The following RYR2 variants were observed in gnomAD, a reference collection of about 807,000 sequenced individuals.
RYR2 encodes ryanodine receptor 2.
In RYR2, 227 loss-of-function variants were observed where a neutral mutation model predicts 601.1. The observed-to-expected ratio is 0.38, with a 90% CI of 0.34 to 0.42. The LOEUF (loss-of-function observed/expected upper bound fraction) is 0.42. Among genes scored for constraint, RYR2 ranks in the 10% least tolerant of loss-of-function variants. RYR2 has a pLI of 1.00. For missense variants in RYR2, 4,646 were observed against 6,156.5 expected (o/e 0.75, Z 8.21); for synonymous variants, 2,223 against 2,175.1 (o/e 1.02, Z -0.61).
At chr1:237,457,386 C>G (rs1038564548) in intron 16 of RYR2, among the ~76,000 whole-genome samples, 10 of 152,042 alleles carry the variant, frequency 6.6e-5, no homozygotes, top group Admixed American at 5.9e-4. Context: ...TATTTTTGAC[C>G]TCCTGTAGCT....
At chr1:237,406,220 C>T (rs1471054293) in intron 10 of RYR2, among the ~76,000 whole-genome samples, 3 of 115,662 alleles carry the variant, frequency 2.6e-5, no homozygotes, top group Non-Finnish European at 3.6e-5. Flanking sequence ...TTCCCCTCCC[C>T]TCCCCTCCCC....
intron 3 of RYR2, among the ~76,000 whole-genome samples, chr1:237,350,458 C>T (rs1452943027): frequency 6.7e-6 from 1 of 149,516 alleles, no homozygotes; most frequent in Non-Finnish European, 1.5e-5. Context: ...GCAATCCCAG[C>T]TACTCGGGAG....
intron 17 of RYR2, among the ~76,000 whole-genome samples, chr1:237,473,442 T>TTTCTTTCTTTCTTTCTTTCTTC (rs1553464684): frequency 1.8e-5 from 1 of 56,734 alleles, no homozygotes; most frequent in Non-Finnish European, 5.3e-5. Flanking sequence ...TCTTTCTTTC[T>TTTCTTTCTTTCTTTCTTTCTTC]TTCTTTCTTT....
chr1:237,450,651 A>T (rs962994408), intron 14 of RYR2, among the ~76,000 whole-genome samples: 3 of 152,048 alleles, frequency 2.0e-5, no homozygotes, highest in Non-Finnish European at 4.4e-5. Flanking sequence ...TCCAGATGAG[A>T]TTCCTTGTTC....
intron 98 of RYR2, among the ~76,000 whole-genome samples, chr1:237,803,318 T>G (rs1558450119): frequency 6.6e-6 from 1 of 151,930 alleles, no homozygotes; most frequent in Non-Finnish European, 1.5e-5. Flanking sequence ...TTTCTTTTTT[T>G]TTTGAGACAG....
intron 10 of RYR2, among the ~76,000 whole-genome samples, chr1:237,399,556 C>A (rs1703157221): frequency 6.6e-6 from 1 of 152,188 alleles, no homozygotes; most frequent in Non-Finnish European, 1.5e-5. Context: ...TTAATGCTCT[C>A]AGCAAGGCAA....
chr1:237,273,042 A>G (rs942277106), intron 2 of RYR2, among the ~76,000 whole-genome samples: 2 of 152,144 alleles, frequency 1.3e-5, no homozygotes, highest in African/African-American at 2.4e-5. Flanking sequence ...GGATGATTCA[A>G]GCACATTACA....
chr1:237,827,794 A>G (rs975884970), intron 101 of RYR2, among the ~76,000 whole-genome samples: 15 of 150,888 alleles, frequency 9.9e-5, no homozygotes, highest in Admixed American at 2.0e-4. Flanking sequence ...AAAATTAGCC[A>G]GGTGTGGCAG....
rs907011318 is a variant in RYR2 at position 237,180,867 on chromosome 1, A to G, written c.49-89630A>G. 9.4e-5 allele frequency among the ~76,000 whole-genome samples: 14 copies of G among 148,368 alleles called. No homozygotes were observed. The East Asian group carries it at 2.7e-3, about 29-fold the overall frequency. Reference sequence around the variant, plus strand: ...AATAAAGTATATATTTATACTAATTAAATATATTTGATTATATAATTATAA... The same window carrying G: ...AATAAAGTATATATTTATACTAATTGAATATATTTGATTATATAATTATAA... On this transcript the variant is annotated intron_variant, in intron 1 of 104. Coordinates refer to ENST00000366574, the MANE Select transcript of RYR2 (RefSeq NM_001035.3). The surrounding 1 kb of genome is among the most constrained non-coding windows in gnomAD (Gnocchi z 5.3).
intron 70 of RYR2, among the ~76,000 whole-genome samples, chr1:237,710,384 T>A (rs1357618123): frequency 6.6e-6 from 1 of 152,190 alleles, no homozygotes; most frequent in Non-Finnish European, 1.5e-5. Context: ...GTTGTACAAA[T>A]CAAGTTACTT....
rs371740445 is a variant in RYR2 at position 237,191,683 on chromosome 1, T to C, written c.49-78814T>C. ...ACAAATTGTCTCCAGCTCGAAATGA[T>C]GAAAAGAATATTTTAACAACTTTTG... is the stretch of plus-strand genomic sequence containing the variant. On this transcript the variant is annotated intron_variant, in intron 1 of 104. Transcript: ENST00000366574. Among the ~76,000 whole-genome samples, 6 of 152,336 alleles carry C rather than the reference T, an allele frequency of 3.9e-5. No individual in the cohort carries two copies. The East Asian group carries it at 9.6e-4, about 24-fold the overall frequency.
chr1:237,494,602 A>G (rs1272168895), intron 19 of RYR2, among the ~76,000 whole-genome samples: 1 of 152,160 alleles, frequency 6.6e-6, no homozygotes, highest in African/African-American at 2.4e-5. Flanking sequence ...TCAAGTTGAC[A>G]CTCAGTATGA....
chr1:237,487,361 C>T (rs1662796885), intron 17 of RYR2, among the ~76,000 whole-genome samples: 1 of 151,614 alleles, frequency 6.6e-6, no homozygotes, highest in Non-Finnish European at 1.5e-5. Flanking sequence ...CATTTGTTGT[C>T]CTTTAAGAAT....
chr1:237,257,619 G>A (rs1389944854), intron 1 of RYR2, among the ~76,000 whole-genome samples: 2 of 152,172 alleles, frequency 1.3e-5, no homozygotes, highest in Admixed American at 6.5e-5. Context: ...CGGTATGAAC[G>A]AGGTCGGCAG....
At chr1:237,482,966 G>T (rs1360995068) in intron 17 of RYR2, among the ~76,000 whole-genome samples, 1 of 151,968 alleles carries the variant, frequency 6.6e-6, no homozygotes, top group Non-Finnish European at 1.5e-5. Flanking sequence ...CTGCATTTTT[G>T]ACTCAGCTCT....
intron 1 of RYR2, among the ~76,000 whole-genome samples, chr1:237,226,507 C>T (rs980384834): frequency 6.6e-6 from 1 of 152,096 alleles, no homozygotes; most frequent in African/African-American, 2.4e-5. Flanking sequence ...GATCTCAAAC[C>T]AATTTAGAGA....
chr1:237,332,720 A>G (rs778424464), intron 3 of RYR2, among the ~76,000 whole-genome samples: 31 of 152,298 alleles, frequency 2.0e-4, no homozygotes, highest in Non-Finnish European at 4.3e-4. Flanking sequence ...TAATTTTTTT[A>G]TTGTTAAGTT....
At chr1:237,772,234 A>G (rs1331561171) in intron 86 of RYR2, 134 bp downstream of exon 86, 1 of 508,376 alleles carries the variant, frequency 2.0e-6, no homozygotes, top group Non-Finnish European at 3.4e-6. Context: ...ACAATCTCTC[A>G]GCAATTCTTA....
In RYR2 at chr1:237,634,176, C is replaced by T. The variant is rs1487621693; in HGVS notation, c.6688+466C>T. Among the ~76,000 whole-genome samples the T allele has an allele frequency of 2.0e-5, 3 of 152,168 alleles. No homozygotes were observed. The East Asian group carries it at 5.8e-4, about 29-fold the overall frequency. ...ACGTGTACTTCCATGGTCATTGCAG[C>T]ATTATTCACAATAGCTGAGATATGG... On this transcript the variant is annotated intron_variant, in intron 43 of 104. Coordinates refer to ENST00000366574, the MANE Select transcript of RYR2 (RefSeq NM_001035.3).
Sources: allele counts gnomAD v4.1 joint callset (sites outside exome capture counted in the v4.1 genomes callset), GRCh38; gene constraint gnomAD v4.1.1; non-coding constraint Gnocchi (gnomAD v3.1); transcripts MANE v1.5; gene names NCBI Gene and HGNC (gene_info 2026-07-23, HGNC 2026-07-21).